NRXN1: variants seen among roughly 807,000 people sequenced by gnomAD.
NRXN1 encodes the protein neurexin-1.
A neutral mutation model predicts 150.9 loss-of-function variants in NRXN1; 39 were observed. That is an observed-to-expected ratio of 0.26 (90% confidence interval 0.20 to 0.34). NRXN1 has a LOEUF of 0.34. Ranked by LOEUF, NRXN1 falls within the 10% of genes least tolerant of loss-of-function variation. The probability of loss-of-function intolerance (pLI) is 1.00; values close to 1 mark genes in which losing one functional copy is unlikely to be tolerated. For missense variants in NRXN1, 1,815 were observed against 1,949.9 expected, an observed-to-expected ratio of 0.93 and a Z score of 1.30; for synonymous variants, 924 against 757.0, an observed-to-expected ratio of 1.22 and a Z score of -3.62.
chr2:50,147,873 G>A (rs971078203), intron 18 of NRXN1, among the ~76,000 whole-genome samples: 4 of 151,708 alleles, frequency 2.6e-5, no homozygotes, highest in Admixed American at 2.0e-4. Flanking sequence ...TATTGCTGAA[G>A]CCTGTTGCAT....
chr2:50,476,488 G>T (rs771920311), intron 15 of NRXN1, among the ~76,000 whole-genome samples: 19 of 151,976 alleles, frequency 1.3e-4, no homozygotes, highest in Non-Finnish European at 2.5e-4. Context: ...AGGCCATAAG[G>T]ATTACAAAGT....
At chr2:50,328,119 C>T (rs944185408) in intron 17 of NRXN1, among the ~76,000 whole-genome samples, 10 of 152,118 alleles carry the variant, frequency 6.6e-5, no homozygotes, top group Non-Finnish European at 1.3e-4. Flanking sequence ...CAAGCCTGTC[C>T]AATCTGCAGC....
In NRXN1 at chr2:50,257,099, A is replaced by T. The variant is rs542891814; in HGVS notation, c.3365-20129T>A. On this transcript the variant is annotated intron_variant, in intron 17 of 22. Coordinates refer to ENST00000401669, the MANE Select transcript of NRXN1 (RefSeq NM_001330078.2). The stretch of plus-strand genomic sequence containing the variant: ...ATGAGGCAAGTAAATTTGATAGAGA[A>T]GCTATTATTATCTCCATTTTATGGA... 1.1e-4 allele frequency among the ~76,000 whole-genome samples: 17 copies of T among 152,222 alleles called. No individual in the cohort carries two copies. In the South Asian group the frequency reaches 3.5e-3, roughly 32 times the overall value.
At chr2:50,239,895 A>T (rs1170606705) in intron 17 of NRXN1, among the ~76,000 whole-genome samples, 1 of 150,704 alleles carries the variant, frequency 6.6e-6, no homozygotes, top group Non-Finnish European at 1.5e-5. Flanking sequence ...TAAAAAGAGA[A>T]AAATAACATC....
At chr2:50,668,083 G>A (rs1459858958) in intron 5 of NRXN1, among the ~76,000 whole-genome samples, 2 of 151,974 alleles carry the variant, frequency 1.3e-5, no homozygotes. Flanking sequence ...ATTTCGAATG[G>A]TATTTCAATT....
At chr2:50,668,828 C>T (rs1390189696) in intron 5 of NRXN1, among the ~76,000 whole-genome samples, 3 of 151,808 alleles carry the variant, frequency 2.0e-5, no homozygotes, top group African/African-American at 4.8e-5. Context: ...GTGGGAATTT[C>T]ATAATCAAAG....
intron 18 of NRXN1, among the ~76,000 whole-genome samples, chr2:50,169,576 G>C (rs2059899315): frequency 6.6e-6 from 1 of 151,946 alleles, no homozygotes; most frequent in African/African-American, 2.4e-5. Flanking sequence ...AGCTGGTCAT[G>C]GTAGTGGGCA....
Position 50,347,036 on chromosome 2 carries a change from C to A in NRXN1, c.3365-110066G>T. 2 of 1,368,522 alleles carry A rather than the reference C, an allele frequency of 1.5e-6. No individual in the cohort carries two copies. Among genetic ancestry groups the A allele is most frequent in the Non-Finnish European group, 1.9e-6 (2 of 1,050,026 alleles). 84.8% of individuals were successfully genotyped at this position (1,368,522 alleles called of 1,614,324 possible). A position where few individuals can be genotyped will look rare whatever the true frequency, so the allele number is the denominator to read the frequency against. On this transcript the variant is annotated intron_variant, in intron 17 of 22. Transcript: ENST00000401669. This position sits in a 1 kb window ranked among gnomAD's most constrained non-coding sequence, Gnocchi z 4.9. The stretch of plus-strand genomic sequence containing the variant: ...AGAGGGCGCAGGGGAGCGGGCGGCG[C>A]GGAGTGGGCTGAGGGGCCGGCCGCC...
chr2:50,044,417 C>T (rs572534913), intron 21 of NRXN1, among the ~76,000 whole-genome samples: 27 of 152,204 alleles, frequency 1.8e-4, no homozygotes, highest in South Asian at 1.7e-3. Flanking sequence ...AGAAGCTTTC[C>T]GCAAATGCAA....
At chr2:50,586,167 G>A (rs975325831) in intron 8 of NRXN1, among the ~76,000 whole-genome samples, 4 of 152,076 alleles carry the variant, frequency 2.6e-5, no homozygotes, top group Admixed American at 6.5e-5. Context: ...ACCCTCCAGG[G>A]TGTTTGCACT....
chr2:50,475,016 C>T lies in NRXN1; in HGVS notation c.3071-2545G>A, dbSNP rs149012731. ...AAATAGAAAAGTTACATTTCTTGTA[C>T]ATCAGAGATTGTGGGCTGAGATTTA... On this transcript the variant is annotated intron_variant, in intron 15 of 22. Transcript: ENST00000401669. Among the ~76,000 whole-genome samples, 824 of 152,048 alleles carry T rather than the reference C, an allele frequency of 5.4e-3. 8 individuals are homozygous for T. Among genetic ancestry groups the T allele is most frequent in the African/African-American group, 0.019 (769 of 41,492 alleles).
intron 17 of NRXN1, among the ~76,000 whole-genome samples, chr2:50,274,044 A>G (rs2070072550): frequency 6.6e-6 from 1 of 152,206 alleles, no homozygotes; most frequent in Non-Finnish European, 1.5e-5. Flanking sequence ...CCAAAGGATT[A>G]TAAATCATTC....
intron 18 of NRXN1, among the ~76,000 whole-genome samples, chr2:50,156,860 A>C (rs1233404042): frequency 6.6e-6 from 1 of 152,028 alleles, no homozygotes; most frequent in African/African-American, 2.4e-5. Flanking sequence ...CATATATGCG[A>C]TTCACAAACC....
intron 15 of NRXN1, among the ~76,000 whole-genome samples, chr2:50,491,160 A>T (rs2091230292): frequency 6.6e-6 from 1 of 152,152 alleles, no homozygotes; most frequent in Non-Finnish European, 1.5e-5. Context: ...GAATGTACAA[A>T]GCCTGGGCAT....
chr2:50,412,993 C>T (rs1029321187), intron 17 of NRXN1, among the ~76,000 whole-genome samples: 1 of 152,138 alleles, frequency 6.6e-6, no homozygotes, highest in African/African-American at 2.4e-5. Flanking sequence ...CAAGAAAACA[C>T]TGGGGAAAAT....
chr2:50,431,607 T>A (rs1017089838), intron 17 of NRXN1, among the ~76,000 whole-genome samples: 18 of 152,210 alleles, frequency 1.2e-4, no homozygotes, highest in African/African-American at 4.3e-4. Context: ...TATTAACATT[T>A]GACATCATGT....
In NRXN1 at chr2:50,697,985, A is replaced by T. The variant is rs140124227; in HGVS notation, c.833-74370T>A. 2.9e-3 allele frequency among the ~76,000 whole-genome samples: 442 copies of T among 151,178 alleles called. 3 individuals carry two copies. Among genetic ancestry groups the T allele is most frequent in the African/African-American group, 0.01 (424 of 41,070 alleles). ...TTCGTTAATCTGGCTCTAAATAACA[A>T]CACAACCCCATCTACACTACAGTTC... On this transcript the variant is annotated intron_variant, in intron 5 of 22. Coordinates refer to ENST00000401669, the MANE Select transcript of NRXN1 (RefSeq NM_001330078.2).
chr2:50,844,153 G>A (rs1306476907), intron 5 of NRXN1, among the ~76,000 whole-genome samples: 1 of 152,086 alleles, frequency 6.6e-6, no homozygotes, highest in Non-Finnish European at 1.5e-5. Context: ...GGTGTCTGGT[G>A]AGCAGGCACA....
At chr2:50,728,965 T>C (rs1398371155) in intron 5 of NRXN1, among the ~76,000 whole-genome samples, 1 of 152,196 alleles carries the variant, frequency 6.6e-6, no homozygotes, top group Non-Finnish European at 1.5e-5. Flanking sequence ...TTATTATCCA[T>C]TATTTTTAGA....
Sources: allele counts gnomAD v4.1 joint callset (sites outside exome capture counted in the v4.1 genomes callset), GRCh38; gene constraint gnomAD v4.1.1; non-coding constraint Gnocchi (gnomAD v3.1); transcripts MANE v1.5; gene names NCBI Gene and HGNC (gene_info 2026-07-23, HGNC 2026-07-21).